Variants in GIPC3 observed in about 807,000 individuals in gnomAD.
The protein encoded by GIPC3 is PDZ domain-containing protein GIPC3.
Under a neutral mutation model 27.3 loss-of-function variants are expected in GIPC3, and 16 were observed. The observed-to-expected ratio is 0.59, with a 90% CI of 0.40 to 0.89. GIPC3 has a LOEUF of 0.89. Among genes scored for constraint, GIPC3 ranks in the 40% least tolerant of loss-of-function variants. GIPC3 has a pLI of 0.00. For synonymous variants in GIPC3, 194 were observed against 184.6 expected, an observed-to-expected ratio of 1.05 and a Z score of -0.41; for missense variants, 440 against 442.1, an observed-to-expected ratio of 1.00 and a Z score of 0.04.
At position 3,585,759 on chromosome 19, in the gene GIPC3, C is replaced by T; in HGVS notation, c.162C>T (p.Gly54=). ...GGAGCCCCACGGGCAAGATCGAGGGCTTCACCAACGTCCGCGAGCTGTACG... is the reference window on the plus strand; with the variant it reads ...GGAGCCCCACGGGCAAGATCGAGGGTTTCACCAACGTCCGCGAGCTGTACG... The part of the protein sequence containing the change: ...AHGSPTGKIE[G]FTNVRELYAK... The change falls in exon 1 of 6, where the codon GGC becomes GGT. Residue 54 remains glycine (G), a synonymous_variant. Coordinates refer to ENST00000644452, the MANE Select transcript of GIPC3 (RefSeq NM_133261.3). The T allele has an allele frequency of 1.3e-6, 2 of 1,547,042 alleles. No homozygotes were observed. The highest frequency in any genetic ancestry group is 1.2e-5 in the South Asian group (1 of 83,852).
chr19:3,592,533 C>A lies in GIPC3; in HGVS notation c.*2343C>A, dbSNP rs748588902. 9.9e-6 allele frequency: 12 copies of A among 1,208,296 alleles called. No individual in the cohort carries two copies. The highest frequency in any genetic ancestry group is 1.7e-5 in the African/African-American group (1 of 58,686). 74.8% of individuals were successfully genotyped at this position (1,208,296 alleles called of 1,614,324 possible). A position where few individuals can be genotyped will look rare whatever the true frequency, so the allele number is the denominator to read the frequency against. On this transcript the variant is annotated 3_prime_UTR_variant, in exon 6 of 6. Coordinates refer to ENST00000644452, the MANE Select transcript of GIPC3 (RefSeq NM_133261.3). ...AATTCAGCTCAGCCCTGGAGCTCATCTTAGCTCCAGAACCCAGTCCAGTCC... is the reference window on the plus strand; with the variant it reads ...AATTCAGCTCAGCCCTGGAGCTCATATTAGCTCCAGAACCCAGTCCAGTCC...
rs181277731 is a variant in GIPC3 at position 3,587,631 on chromosome 19, G to C, written c.592+637G>C. Reference sequence around the variant, plus strand: ...GAGGTCATGGTGGATTGTAGAGAATGAGAATATGAGAAAAAAGTTTTCTTT... The same window carrying C: ...GAGGTCATGGTGGATTGTAGAGAATCAGAATATGAGAAAAAAGTTTTCTTT... On this transcript the variant is annotated intron_variant, in intron 3 of 5. Transcript: ENST00000644452. Among the ~76,000 whole-genome samples, 1,053 of 151,430 alleles carry C rather than the reference G, an allele frequency of 7.0e-3. 43 individuals carry two copies. Among genetic ancestry groups the C allele is most frequent in the Admixed American group, 0.056 (854 of 15,202 alleles).
At chr19:3,585,996 G>T (rs1016411852) in intron 1 of GIPC3, among the ~76,000 whole-genome samples, 174 bp downstream of exon 1, 3 of 152,088 alleles carry the variant, frequency 2.0e-5, no homozygotes, top group Admixed American at 2.0e-4. Flanking sequence ...ACACTCCCAG[G>T]GGCCCCCTTT....
At position 3,591,494 on chromosome 19, in the gene GIPC3, C is replaced by G. The variant is rs775484062; in HGVS notation, c.*1304C>G. 1.9e-5 allele frequency: 23 copies of G among 1,232,576 alleles called. No homozygotes were observed. Among genetic ancestry groups the G allele is most frequent in the Non-Finnish European group, 2.3e-5 (23 of 988,414 alleles). 76.4% of individuals were successfully genotyped at this position (1,232,576 alleles called of 1,614,324 possible). ...AGCCACACCTGGACACTCGGTCTAG[C>G]TCCGGAACCCCAGTTAATTTTGGAA... On this transcript the variant is annotated 3_prime_UTR_variant, in exon 6 of 6. Coordinates refer to ENST00000644452, the MANE Select transcript of GIPC3 (RefSeq NM_133261.3).
chr19:3,589,519 G>A lies in GIPC3; in HGVS notation c.669G>A (p.Arg223=). The change falls in exon 4 of 6, where the codon CGG becomes CGA. Residue 223 remains arginine, a synonymous_variant. Transcript: ENST00000644452. Reference sequence around the variant, plus strand: ...TGACCAGCGGGAGGGAGACCCTGCGGCTTCGTTCTGGGGGGGCTGCCACAG... The same window carrying A: ...TGACCAGCGGGAGGGAGACCCTGCGACTTCGTTCTGGGGGGGCTGCCACAG... ...AKVTSGRETL[R]LRSGGAATVE... 4.3e-6 allele frequency: 7 copies of A among 1,614,026 alleles called. No individual in the cohort carries two copies. The highest frequency in any genetic ancestry group is 5.9e-6 in the Non-Finnish European group (7 of 1,180,010).
chr19:3,589,512 C>T lies in GIPC3; in HGVS notation c.662C>T (p.Thr221Ile), dbSNP rs761543680. Residue 221 changes from threonine (T) to isoleucine (I), a missense_variant, in exon 4 of 6, where the codon ACC (threonine) becomes ATC (isoleucine). By Grantham distance (89) the Thr-to-Ile change is moderately conservative. Coordinates refer to ENST00000644452, the MANE Select transcript of GIPC3 (RefSeq NM_133261.3). ...VEAKVTSGRE[T>I]LRLRSGGAAT... ...GCGAAAGTGACCAGCGGGAGGGAGA[C>T]CCTGCGGCTTCGTTCTGGGGGGGCT... 7.4e-6 allele frequency: 12 copies of T among 1,613,990 alleles called. No individual in the cohort carries two copies. In the South Asian group the frequency reaches 1.3e-4, roughly 18 times the overall value.
chr19:3,592,720 C>T lies in GIPC3; in HGVS notation c.*2530C>T. 1 of 1,231,790 alleles carries T rather than the reference C, an allele frequency of 8.1e-7. No homozygotes were observed. Among genetic ancestry groups the T allele is most frequent in the Non-Finnish European group, 1.0e-6 (1 of 987,692 alleles). 76.3% of individuals were successfully genotyped at this position (1,231,790 alleles called of 1,614,324 possible). A position where few individuals can be genotyped will look rare whatever the true frequency, so the allele number is the denominator to read the frequency against. On this transcript the variant is annotated 3_prime_UTR_variant, in exon 6 of 6. Coordinates refer to ENST00000644452, the MANE Select transcript of GIPC3 (RefSeq NM_133261.3). ...TCCAGCTCTGAGACCGGGCTCAGCTCTGAAACCCAGACCGGCTCAAGAATT... is the reference window on the plus strand; with the variant it reads ...TCCAGCTCTGAGACCGGGCTCAGCTTTGAAACCCAGACCGGCTCAAGAATT...
rs929822321 is a variant in GIPC3 at position 3,586,734 on chromosome 19, C to A, written c.411+54C>A. On this transcript the variant is annotated intron_variant, in intron 2 of 5. Transcript: ENST00000644452. ...TCCTGGGGTCCAGCAACTGCCCCCC[C>A]CACTCTGGGTCGACGTGGGTTCTGC... 30 of 1,610,528 alleles carry A rather than the reference C, an allele frequency of 1.9e-5. No homozygotes were observed. In the South Asian group the frequency reaches 2.7e-4, roughly 15 times the overall value.
rs149028750 is a variant in GIPC3, at chr19:3,590,072, C to T, written c.821C>T (p.Ala274Val). The change falls in exon 6 of 6, where the codon GCG becomes GTG. Residue 274 changes from alanine (A) to valine (V), a missense_variant. By Grantham distance (64) the Ala-to-Val change is moderately conservative. Transcript: ENST00000644452. ...ATGGTGGAGACGTCCAAGAAGACAG[C>T]GAGCGCCCAGGAGTTTGCACGCTGT... ...STMVETSKKT[A>V]SAQEFARCLD... The T allele has an allele frequency of 4.1e-5, 66 of 1,611,460 alleles. No individual in the cohort carries two copies. The Middle Eastern group carries it at 4.6e-3, about 113-fold the overall frequency.
At chr19:3,587,539 C>T (rs911522508) in intron 3 of GIPC3, among the ~76,000 whole-genome samples, 3 of 152,098 alleles carry the variant, frequency 2.0e-5, no homozygotes, top group Non-Finnish European at 4.4e-5. Context: ...GCCTCAGTCT[C>T]CCAAAATGCT....
At position 3,590,100 on chromosome 19, in the gene GIPC3, A is replaced by G; in HGVS notation, c.849A>G (p.Leu283=). 1 of 1,611,524 alleles carries G rather than the reference A, an allele frequency of 6.2e-7. No individual in the cohort carries two copies. Among genetic ancestry groups the G allele is most frequent in the Non-Finnish European group, 8.5e-7 (1 of 1,179,112 alleles). The change falls in exon 6 of 6, where the codon TTA becomes TTG. Residue 283 remains leucine, a synonymous_variant. Coordinates refer to ENST00000644452, the MANE Select transcript of GIPC3 (RefSeq NM_133261.3). ...GCGCCCAGGAGTTTGCACGCTGTTTAGACTCCGTCTTGGGCGAGTTCGCCT... is the reference window on the plus strand; with the variant it reads ...GCGCCCAGGAGTTTGCACGCTGTTTGGACTCCGTCTTGGGCGAGTTCGCCT... ...TASAQEFARC[L]DSVLGEFAFP... is the part of the protein sequence containing the mutation.
chr19:3,590,685 T>A lies in GIPC3; in HGVS notation c.*495T>A. 1 of 1,039,052 alleles carries A rather than the reference T, an allele frequency of 9.6e-7. No homozygotes were observed. The highest frequency in any genetic ancestry group is 1.2e-6 in the Non-Finnish European group (1 of 809,298). The allele number at this position is 1,039,052 out of a possible 1,614,324, so 64.4% of individuals were successfully genotyped here. On this transcript the variant is annotated 3_prime_UTR_variant, in exon 6 of 6. Coordinates refer to ENST00000644452, the MANE Select transcript of GIPC3 (RefSeq NM_133261.3). Reference sequence around the variant, plus strand: ...GCCCAGCTCTAGAACTCAGATGGGCTCTGAGACCGAGCCCAGCTCTAAAAC... The same window carrying A: ...GCCCAGCTCTAGAACTCAGATGGGCACTGAGACCGAGCCCAGCTCTAAAAC...
In GIPC3 at chr19:3,586,841, C is replaced by G. The variant is rs749337255; in HGVS notation, c.439C>G (p.Arg147Gly). ...AATCAAGGAAGGCAGTATCATCAAC[C>G]GGATCGAGGCAGTGTGCGTGGGTGA... is the stretch of plus-strand genomic sequence containing the variant. The part of the protein sequence containing the change: ...KRIKEGSIIN[R>G]IEAVCVGDSI... Residue 147 changes from arginine to glycine, a missense_variant, in exon 3 of 6, where the codon CGG becomes GGG. By Grantham distance (125) the Arg-to-Gly change is moderately radical. Coordinates refer to ENST00000644452, the MANE Select transcript of GIPC3 (RefSeq NM_133261.3). 1.2e-6 allele frequency: 2 copies of G among 1,613,532 alleles called. No individual in the cohort carries two copies. The highest frequency in any genetic ancestry group is 1.7e-6 in the Non-Finnish European group (2 of 1,180,000).
rs1050487253 is a variant in GIPC3, at chr19:3,585,764, C to A, written c.167C>A (p.Thr56Asn). 6.5e-7 allele frequency: 1 copy of A among 1,547,408 alleles called. No individual in the cohort carries two copies. The highest frequency in any genetic ancestry group is 8.7e-7 in the Non-Finnish European group (1 of 1,146,092). ...CCCACGGGCAAGATCGAGGGCTTCA[C>A]CAACGTCCGCGAGCTGTACGCCAAG... ...GSPTGKIEGF[T>N]NVRELYAKIA... Residue 56 changes from threonine to asparagine, a missense_variant, in exon 1 of 6, where the codon ACC becomes AAC. Physicochemically the swap from Thr to Asn is moderately conservative, Grantham distance 65 (BLOSUM62 0). Transcript: ENST00000644452.
Position 3,586,915 on chromosome 19 carries a change from C to CGAGGTGGCCAAGATGCTCCGG in GIPC3, c.517_537dup (p.Val173_Glu179dup). 3 of 1,613,536 alleles carry CGAGGTGGCCAAGATGCTCCGG rather than the reference C, an allele frequency of 1.9e-6. No individual in the cohort carries two copies. The highest frequency in any genetic ancestry group is 2.5e-6 in the Non-Finnish European group (3 of 1,179,962). On this transcript the variant is annotated inframe_insertion, in exon 3 of 6. Coordinates refer to ENST00000644452, the MANE Select transcript of GIPC3 (RefSeq NM_133261.3). ...ACTCCATTGTGGGCTGCCGCCACTA[C>CGAGGTGGCCAAGATGCTCCGG]GAGGTGGCCAAGATGCTCCGGGAGC...
At position 3,585,694 on chromosome 19, in the gene GIPC3, G is replaced by T. The variant is rs1263127028; in HGVS notation, c.97G>T (p.Ala33Ser). Reference protein sequence around the residue: ...APSEPPAAPRARPRLVFRTQL... With the variant: ...APSEPPAAPRSRPRLVFRTQL... ...CTCGGAGCCCCCGGCCGCGCCCCGC[G>T]CCCGCCCGCGCCTCGTCTTCCGCAC... Residue 33 changes from alanine to serine, a missense_variant, in exon 1 of 6, where the codon GCC becomes TCC. By Grantham distance (99) the Ala-to-Ser change is moderately conservative. Transcript: ENST00000644452. 2.1e-6 allele frequency: 3 copies of T among 1,423,818 alleles called. No individual in the cohort carries two copies. The highest frequency in any genetic ancestry group is 1.9e-6 in the Non-Finnish European group (2 of 1,080,076). The allele number at this position is 1,423,818 out of a possible 1,614,324, so 88.2% of individuals were successfully genotyped here. A position where few individuals can be genotyped will look rare whatever the true frequency, so the allele number is the denominator to read the frequency against.
At chr19:3,589,584 G>C (rs1439540792) in intron 4 of GIPC3, 29 bp downstream of exon 4, 6 of 1,542,858 alleles carry the variant, frequency 3.9e-6, no homozygotes, top group Non-Finnish European at 5.4e-6. Flanking sequence ...CTCTCCCCAG[G>C]CTTCTGCACC....
chr19:3,588,022 G>T (rs1470286807), intron 3 of GIPC3, among the ~76,000 whole-genome samples: 1 of 151,324 alleles, frequency 6.6e-6, no homozygotes, highest in East Asian at 1.9e-4. Flanking sequence ...TTCTTTTTTT[G>T]AGACGGAGTT....
intron 5 of GIPC3, 21 bp from the exon 6 acceptor site, chr19:3,590,018 C>A (rs2032454218): frequency 1.2e-6 from 2 of 1,612,910 alleles, no homozygotes; most frequent in Admixed American, 1.7e-5. Flanking sequence ...TCACTGACAT[C>A]CCCTCTGGCA....
Sources: allele counts gnomAD v4.1 joint callset (sites outside exome capture counted in the v4.1 genomes callset), GRCh38; gene constraint gnomAD v4.1.1; transcripts MANE v1.5; gene names NCBI Gene and HGNC (gene_info 2026-07-23, HGNC 2026-07-21).